The following MUC5B variants were observed in gnomAD, a reference collection of about 807,000 sequenced individuals.
The protein encoded by MUC5B is mucin-5B.
A neutral mutation model predicts 376.9 loss-of-function variants in MUC5B; 116 were observed. The ratio of observed to expected loss-of-function variants is 0.31; its 90% CI spans 0.26 to 0.36. The LOEUF (loss-of-function observed/expected upper bound fraction) is 0.36, where lower values mean the gene tolerates loss of function less well. Ranked by LOEUF, MUC5B falls within the 10% of genes least tolerant of loss-of-function variation. The pLI is 1.00. For missense variants in MUC5B, 7,165 were observed against 7,769.9 expected, an observed-to-expected ratio of 0.92 and a Z score of 2.93; for synonymous variants, 3,517 against 3,390.9, an observed-to-expected ratio of 1.04 and a Z score of -1.29.
chr11:1,229,123 C>A (rs1016152719), intron 8 of MUC5B, 47 bp from the exon 9 acceptor site: 9 of 1,497,958 alleles, frequency 6.0e-6, no homozygotes, highest in Non-Finnish European at 8.0e-6. Flanking sequence ...ACCACACGGG[C>A]AGTACAGGGC....
chr11:1,228,539 C>A, intron 7 of MUC5B, 25 bp from the exon 8 acceptor site: 1 of 1,493,328 alleles, frequency 6.7e-7, no homozygotes. Context: ...CAGGGGTGCC[C>A]AGCCTGGCCC....
chr11:1,229,616 C>A, intron 9 of MUC5B, 74 bp from the exon 10 acceptor site: 1 of 1,323,358 alleles, frequency 7.6e-7, no homozygotes, highest in Non-Finnish European at 1.0e-6. Flanking sequence ...GGCAGCTTGT[C>A]CCCAAGGCCG....
chr11:1,246,163 C>T lies in MUC5B; in HGVS notation c.9283C>T (p.His3095Tyr). ...ACCCATGGCCACCATGTCCACAATCCACCCCTCCTCCACTCCGGAGACCAC... is the reference window on the plus strand; with the variant it reads ...ACCCATGGCCACCATGTCCACAATCTACCCCTCCTCCACTCCGGAGACCAC... ...TTPMATMSTI[H>Y]PSSTPETTHT... The change falls in exon 31 of 49, where the codon CAC (histidine) becomes TAC (tyrosine). Residue 3095 changes from histidine to tyrosine, a missense_variant. By Grantham distance (83) the His-to-Tyr change is moderately conservative. Transcript: ENST00000529681. 4 of 1,612,112 alleles carry T rather than the reference C, an allele frequency of 2.5e-6. No individual in the cohort carries two copies. Among genetic ancestry groups the T allele is most frequent in the African/African-American group, 1.3e-5 (1 of 74,406 alleles).
rs1456391332 is a variant in MUC5B at position 1,228,686 on chromosome 11, T to C, written c.897T>C (p.Cys299=). ...QDLCRCPTCP[C]ATFVEYSRQC... ...TGTGCCGCTGCCCCACCTGCCCGTG[T>C]GCCACCTTTGTGGAATACTCACGCC... Residue 299 remains cysteine, a synonymous_variant, in exon 8 of 49, where the codon TGT becomes TGC. Transcript: ENST00000529681. The C allele has an allele frequency of 1.3e-6, 2 of 1,534,412 alleles. No individual in the cohort carries two copies. The highest frequency in any genetic ancestry group is 1.7e-6 in the Non-Finnish European group (2 of 1,146,306).
chr11:1,234,662 G>C lies in MUC5B; in HGVS notation c.2612G>C (p.Arg871Thr), dbSNP rs1355134294. The C allele has an allele frequency of 1.9e-6, 3 of 1,545,756 alleles. No individual in the cohort carries two copies. The African/African-American group carries it at 4.1e-5, about 21-fold the overall frequency. ...ACCTACAAGCCTGGAGAGACCATCA[G>C]GGTCGACTGCAACACCTGGTGGGTC... ...EATYKPGETI[R>T]VDCNTCTCRN... Residue 871 changes from arginine (R) to threonine (T), a missense_variant, in exon 21 of 49, where the codon AGG becomes ACG. Around this residue, in one of 31 missense-constraint regions of MUC5B, gnomAD observed 530 missense variants for 604.0 expected, o/e 0.88. Coordinates refer to ENST00000529681, the MANE Select transcript of MUC5B (RefSeq NM_002458.3). The surrounding 1 kb of genome is among the most constrained non-coding windows in gnomAD (Gnocchi z 6.3).
chr11:1,236,486 T>C lies in MUC5B; in HGVS notation c.2981T>C (p.Val994Ala), dbSNP rs1862160508. 6.2e-7 allele frequency: 1 copy of C among 1,613,094 alleles called. No homozygotes were observed. The highest frequency in any genetic ancestry group is 8.5e-7 in the Non-Finnish European group (1 of 1,179,804). ...ATACGCTACATGGGGATCTTCCTGGTCATCGAGACCCACGGGATGGCCGTG... is the reference window on the plus strand; with the variant it reads ...ATACGCTACATGGGGATCTTCCTGGCCATCGAGACCCACGGGATGGCCGTG... ...YKIRYMGIFL[V>A]IETHGMAVSW... Residue 994 changes from valine (V) to alanine (A), a missense_variant, in exon 24 of 49, where the codon GTC becomes GCC. Physicochemically the swap from Val to Ala is moderately conservative, Grantham distance 64. Coordinates refer to ENST00000529681, the MANE Select transcript of MUC5B (RefSeq NM_002458.3).
In MUC5B at chr11:1,226,843, C is replaced by T. The variant is rs749198134; in HGVS notation, c.428C>T (p.Ala143Val). The change falls in exon 4 of 49, where the codon GCG (alanine) becomes GTG (valine). Residue 143 changes from alanine (A) to valine (V), a missense_variant. Transcript: ENST00000529681. Reference protein sequence around the residue: ...VIKAQGLVLEASNGSVLINGQ... With the variant: ...VIKAQGLVLEVSNGSVLINGQ... Reference sequence around the variant, plus strand: ...AAGGCCCAGGGGCTGGTGCTGGAGGCGTCCAACGGCTCCGTCCTCATCAAT... The same window carrying T: ...AAGGCCCAGGGGCTGGTGCTGGAGGTGTCCAACGGCTCCGTCCTCATCAAT... 35 of 1,608,614 alleles carry T rather than the reference C, an allele frequency of 2.2e-5. No individual in the cohort carries two copies. Among genetic ancestry groups the T allele is most frequent in the African/African-American group, 4.0e-5 (3 of 74,914 alleles).
rs781685099 is a variant in MUC5B at position 1,230,960 on chromosome 11, G to A, written c.1495G>A (p.Gly499Ser). The change falls in exon 13 of 49, where the codon GGC (glycine) becomes AGC (serine). Residue 499 changes from glycine to serine, a missense_variant. Gly to Ser is a moderately conservative substitution (Grantham distance 56, BLOSUM62 0). Coordinates refer to ENST00000529681, the MANE Select transcript of MUC5B (RefSeq NM_002458.3). ...DTAIRVQADGGVFLNSIYTQL... is the reference protein window; with the variant it reads ...DTAIRVQADGSVFLNSIYTQL... ...GGCCATCCGGGTCCAAGCGGACGGC[G>A]GCGTGTTCCTCAACTCCATCTACAC... The A allele has an allele frequency of 2.5e-5, 40 of 1,596,936 alleles. 1 individual carries two copies. In the Admixed American group the frequency reaches 3.6e-4, roughly 14 times the overall value.
chr11:1,261,736 C>T lies in MUC5B; in HGVS notation c.*128C>T. On this transcript the variant is annotated 3_prime_UTR_variant, in exon 49 of 49. Coordinates refer to ENST00000529681, the MANE Select transcript of MUC5B (RefSeq NM_002458.3). ...TGTGTGGCACCCCGCGCTCCGTGCT[C>T]CTGCTGCCCACCCCGTGGGTGAAAC... 1.0e-6 allele frequency: 1 copy of T among 961,020 alleles called. No homozygotes were observed. The highest frequency in any genetic ancestry group is 1.4e-5 in the South Asian group (1 of 71,860). The allele number at this position is 961,020 out of a possible 1,614,324, so 59.5% of individuals were successfully genotyped here.
At chr11:1,240,003 G>A in intron 28 of MUC5B, 42 bp from the exon 29 acceptor site, 1 of 1,600,756 alleles carries the variant, frequency 6.2e-7, no homozygotes, top group Non-Finnish European at 8.5e-7. Context: ...GGCCCTGCAG[G>A]CTGCCCCCCA....
chr11:1,246,443 C>A lies in MUC5B; in HGVS notation c.9563C>A (p.Ala3188Glu). 4 of 1,613,270 alleles carry A rather than the reference C, an allele frequency of 2.5e-6. No homozygotes were observed. Among genetic ancestry groups the A allele is most frequent in the South Asian group, 2.2e-5 (2 of 91,020 alleles). The change falls in exon 31 of 49, where the codon GCA becomes GAA. Residue 3188 changes from alanine (A) to glutamate (E), a missense_variant. By Grantham distance (107) the Ala-to-Glu change is moderately radical (BLOSUM62 -1). This residue lies in a region of MUC5B where 939 missense variants were observed against 770.6 expected (regional missense o/e 1.22). Coordinates refer to ENST00000529681, the MANE Select transcript of MUC5B (RefSeq NM_002458.3). ...GSTATASSTR[A>E]TAGTLKVLTS... ...ACGGCCACCGCCTCCTCCACCCGGG[C>A]AACTGCTGGCACCCTCAAAGTGCTG...
At position 1,251,148 on chromosome 11, in the gene MUC5B, C is replaced by T. The variant is rs1564949575; in HGVS notation, c.14268C>T (p.Ser4756=). ...TATSFTPIPS[S]TLWTTWTVPA... is the part of the protein sequence containing the mutation. ...CCAGCTTTACACCCATCCCCTCCTCCACCCTGTGGACCACGTGGACCGTCC... is the reference window on the plus strand; with the variant it reads ...CCAGCTTTACACCCATCCCCTCCTCTACCCTGTGGACCACGTGGACCGTCC... The change falls in exon 31 of 49, where the codon TCC becomes TCT. Residue 4756 remains serine, a synonymous_variant. Coordinates refer to ENST00000529681, the MANE Select transcript of MUC5B (RefSeq NM_002458.3). The T allele has an allele frequency of 1.2e-6, 2 of 1,611,402 alleles. No individual in the cohort carries two copies. The highest frequency in any genetic ancestry group is 1.7e-6 in the Non-Finnish European group (2 of 1,178,296).
intron 12 of MUC5B, 54 bp downstream of exon 12, chr11:1,230,654 T>C: frequency 4.0e-6 from 6 of 1,492,848 alleles, no homozygotes; most frequent in Non-Finnish European, 5.5e-6. Context: ...TGCGAAGGTG[T>C]GTGGGGAGCA....
At position 1,243,963 on chromosome 11, in the gene MUC5B, T is replaced by A. The variant is rs1306976516; in HGVS notation, c.7083T>A (p.Arg2361=). 1 of 1,604,710 alleles carries A rather than the reference T, an allele frequency of 6.2e-7. No individual in the cohort carries two copies. Among genetic ancestry groups the A allele is most frequent in the Non-Finnish European group, 8.5e-7 (1 of 1,175,108 alleles). ...VCEQPLGLEC[R]AQAQPGVPLR... ...AGCAGCCCCTGGGCCTCGAGTGCCG[T>A]GCCCAGGCCCAGCCTGGTGTCCCCC... Residue 2361 remains arginine (R), a synonymous_variant, in exon 31 of 49, where the codon CGT becomes CGA. Coordinates refer to ENST00000529681, the MANE Select transcript of MUC5B (RefSeq NM_002458.3).
chr11:1,258,049 C>G lies in MUC5B; in HGVS notation c.16451-50C>G, dbSNP rs56330505. The G allele has an allele frequency of 1.3e-6, 2 of 1,492,668 alleles. No homozygotes were observed. The highest frequency in any genetic ancestry group is 1.8e-6 in the Non-Finnish European group (2 of 1,097,718). 92.5% of individuals were successfully genotyped at this position (1,492,668 alleles called of 1,614,324 possible). On this transcript the variant is annotated intron_variant, in intron 41 of 48. Transcript: ENST00000529681. The surrounding 1 kb of genome is among the most constrained non-coding windows in gnomAD (Gnocchi z 5.5). ...GCGACTTACTCTGGGAACAAGTGGTCGGGAGGAGGAGTGAGCAGCGCCCAG... is the reference window on the plus strand; with the variant it reads ...GCGACTTACTCTGGGAACAAGTGGTGGGGAGGAGGAGTGAGCAGCGCCCAG...
intron 19 of MUC5B, 36 bp downstream of exon 19, chr11:1,233,884 G>A (rs780645322): frequency 5.2e-6 from 8 of 1,539,820 alleles, no homozygotes; most frequent in East Asian, 4.8e-5. Flanking sequence ...GCCCTGCCCC[G>A]CCCCGCATCA....
chr11:1,231,052 A>AG, intron 13 of MUC5B, 47 bp downstream of exon 13: 1 of 1,525,564 alleles, frequency 6.6e-7, no homozygotes, highest in South Asian at 1.2e-5. Context: ...GCCTGCTTGC[A>AG]GGGGCAGCTC....
rs763121214 is a variant in MUC5B, at chr11:1,259,964, T to C, written c.16802T>C (p.Leu5601Pro). ...TCCACACTCACCCTTGCATTTCAGC[T>C]GAATGAAACCTGGGTCAACAGCCAT... The part of the protein sequence containing the change: ...CLTPDGQPVQ[L>P]NETWVNSHVD... The change falls in exon 46 of 49, where the codon CTG becomes CCG. Residue 5601 changes from leucine (L) to proline (P), a missense_variant and splice_region_variant. Around this residue, in one of 31 missense-constraint regions of MUC5B, gnomAD observed 842 missense variants for 1,016.9 expected, o/e 0.83. Transcript: ENST00000529681. 3 of 1,613,018 alleles carry C rather than the reference T, an allele frequency of 1.9e-6. No individual in the cohort carries two copies. Among genetic ancestry groups the C allele is most frequent in the East Asian group, 4.5e-5 (2 of 44,878 alleles).
chr11:1,235,484 G>A (rs1007323987), intron 23 of MUC5B, 71 bp downstream of exon 23: 25 of 1,351,178 alleles, frequency 1.9e-5, no homozygotes, highest in Non-Finnish European at 2.6e-5. Flanking sequence ...GAAGCTTCGT[G>A]AGGCTTTAGC....
Sources: gnomAD v4.1 joint callset for allele counts on GRCh38, gnomAD v4.1.1 for gene constraint, gnomAD v4.1.1 regional missense constraint, Gnocchi (gnomAD v3.1) non-coding constraint, MANE v1.5 for transcripts, NCBI Gene and HGNC (gene_info 2026-07-23, HGNC 2026-07-21) for gene names.